Variants in SNX19 observed in about 807,000 individuals in gnomAD.
The protein encoded by SNX19 is sorting nexin 19, also known as sorting nexin-19.
A neutral mutation model predicts 85.2 loss-of-function variants in SNX19; 60 were observed. The observed-to-expected ratio is 0.70, with a 90% CI of 0.57 to 0.87. The LOEUF is 0.87. Ranked by LOEUF, SNX19 falls within the 40% of genes least tolerant of loss-of-function variation. The pLI is 0.00. For synonymous variants in SNX19, 520 were observed against 470.0 expected, an observed-to-expected ratio of 1.11 and a Z score of -1.38; for missense variants, 1,201 against 1,217.8, an observed-to-expected ratio of 0.99 and a Z score of 0.21.
chr11:130,906,228 T>C (rs1945659976), intron 6 of SNX19, 95 bp from the exon 7 acceptor site: 2 of 1,282,470 alleles, frequency 1.6e-6, no homozygotes, highest in African/African-American at 1.5e-5. Flanking sequence ...CCTGCATAAG[T>C]ACCTTGGGTA....
intron 8 of SNX19, among the ~76,000 whole-genome samples, chr11:130,884,893 ATTAC>A (rs1471630490): frequency 1.3e-5 from 2 of 150,140 alleles, no homozygotes; most frequent in Admixed American, 1.3e-4. Flanking sequence ...AAAAAAAAAA[ATTAC>A]TTATAATAAA....
chr11:130,903,082 G>T, intron 8 of SNX19, 173 bp downstream of exon 8: 3 of 779,636 alleles, frequency 3.8e-6, no homozygotes, highest in Non-Finnish European at 6.0e-6. Context: ...TAGACAACAA[G>T]GTAGTCAATA....
chr11:130,914,944 G>A lies in SNX19; in HGVS notation c.996C>T (p.Gly332=). ...SAGPSPEVEE[G]HEAVEGDLGG... is the part of the protein sequence containing the mutation. ...CCAAATCTCCCTCTACAGCTTCGTG[G>A]CCTTCTTCAACCTCTGGAGAGGGGC... Residue 332 remains glycine, a synonymous_variant, in exon 1 of 11, where the codon GGC becomes GGT. Transcript: ENST00000265909. 1.2e-6 allele frequency: 2 copies of A among 1,614,078 alleles called. No individual in the cohort carries two copies. The highest frequency in any genetic ancestry group is 1.7e-6 in the Non-Finnish European group (2 of 1,180,004).
chr11:130,891,231 T>C (rs1216002276), intron 8 of SNX19, among the ~76,000 whole-genome samples: 1 of 152,236 alleles, frequency 6.6e-6, no homozygotes, highest in African/African-American at 2.4e-5. Context: ...TTTAGGCTAA[T>C]AATAAAATGA....
At chr11:130,879,524 T>C (rs1943502324) in intron 10 of SNX19, 100 bp downstream of exon 10, 1 of 995,458 alleles carries the variant, frequency 1.0e-6, no homozygotes, top group Non-Finnish European at 1.6e-6. Context: ...TACAATCCTA[T>C]TCTTTGGAAT....
chr11:130,873,669 G>C lies in SNX19; in HGVS notation c.*4753C>G, dbSNP rs540682747. ...ACTTTTGCACCAACCCACTACATCA[G>C]AACCTACCTTTAAGGGTTGATTTGT... On this transcript the variant is annotated 3_prime_UTR_variant, in exon 11 of 11. Transcript: ENST00000265909. 1.8e-4 allele frequency among the ~76,000 whole-genome samples: 27 copies of C among 152,194 alleles called. No individual in the cohort carries two copies. In the South Asian group the frequency reaches 5.6e-3, roughly 32 times the overall value.
In SNX19 at chr11:130,875,495, C is replaced by CTT. The variant is rs1169811983; in HGVS notation, c.*2925_*2926dup. On this transcript the variant is annotated 3_prime_UTR_variant, in exon 11 of 11. Transcript: ENST00000265909. Reference sequence around the variant, plus strand: ...AAATAAATAAATAATGTACTGTACACTTAAGAGGGTAGATCTCACATTATG... The same window carrying CTT: ...AAATAAATAAATAATGTACTGTACACTTTTAAGAGGGTAGATCTCACATTATG... The CTT allele has an allele frequency of 2.6e-5, 4 of 152,164 alleles. No homozygotes were observed. 9.4% of individuals were successfully genotyped at this position (152,164 alleles called of 1,614,324 possible).
At chr11:130,901,752 CAA>C (rs890723948) in intron 8 of SNX19, 1 of 152,118 alleles carries the variant, frequency 6.6e-6, no homozygotes, top group Non-Finnish European at 1.5e-5. Context: ...TTAAACTGAT[CAA>C]AGTGTAACTT....
At chr11:130,890,159 CTG>C (rs1240882387) in intron 8 of SNX19, among the ~76,000 whole-genome samples, 1 of 152,152 alleles carries the variant, frequency 6.6e-6, no homozygotes, top group Non-Finnish European at 1.5e-5. Context: ...AGGTGGAAAA[CTG>C]TGTGAGTCAT....
Position 130,868,259 on chromosome 11 carries a change from C to T in SNX19, c.*10163G>A, listed in dbSNP as rs1463643590. 4 of 152,292 alleles carry T rather than the reference C, an allele frequency of 2.6e-5. No homozygotes were observed. In the East Asian group the frequency reaches 7.7e-4, roughly 29 times the overall value. 9.4% of individuals were successfully genotyped at this position (152,292 alleles called of 1,614,324 possible). A position where few individuals can be genotyped will look rare whatever the true frequency, so the allele number is the denominator to read the frequency against. ...GAATTAGCCTCCTTTGGTGTTACTGCTCCTTCCCACTTTAGCTCAGCATTA... is the reference window on the plus strand; with the variant it reads ...GAATTAGCCTCCTTTGGTGTTACTGTTCCTTCCCACTTTAGCTCAGCATTA... On this transcript the variant is annotated 3_prime_UTR_variant, in exon 11 of 11. Coordinates refer to ENST00000265909, the MANE Select transcript of SNX19 (RefSeq NM_014758.3).
Position 130,915,486 on chromosome 11 carries a change from G to A in SNX19, c.454C>T (p.His152Tyr). 1 of 1,614,192 alleles carries A rather than the reference G, an allele frequency of 6.2e-7. No homozygotes were observed. Among genetic ancestry groups the A allele is most frequent in the Non-Finnish European group, 8.5e-7 (1 of 1,180,044 alleles). Reference sequence around the variant, plus strand: ...GTCAGAACACTCTGGGCAACAGCATGACTGTCCATCACGCTCATCCTTCTC... The same window carrying A: ...GTCAGAACACTCTGGGCAACAGCATAACTGTCCATCACGCTCATCCTTCTC... Reference protein sequence around the residue: ...LRRRMSVMDSHAVAQSVLTLC... With the variant: ...LRRRMSVMDSYAVAQSVLTLC... Residue 152 changes from histidine to tyrosine, a missense_variant, in exon 1 of 11, where the codon CAT (histidine) becomes TAT (tyrosine). Physicochemically the swap from His to Tyr is moderately conservative, Grantham distance 83. Transcript: ENST00000265909.
At chr11:130,911,331 G>T in intron 2 of SNX19, 1 of 589,216 alleles carries the variant, frequency 1.7e-6, no homozygotes, top group Non-Finnish European at 2.3e-6. Flanking sequence ...CTATGAATCT[G>T]GAAAAGTTAA....
rs770760070 is a variant in SNX19, at chr11:130,877,814, G to A, written c.*608C>T. ...AGCAGCCTCATGACATCTTCCATAA[G>A]GCTGATGTGTTGGGAAACAGCAACA... On this transcript the variant is annotated 3_prime_UTR_variant, in exon 11 of 11. Coordinates refer to ENST00000265909, the MANE Select transcript of SNX19 (RefSeq NM_014758.3). 1 of 152,542 alleles carries A rather than the reference G, an allele frequency of 6.6e-6. No homozygotes were observed. The highest frequency in any genetic ancestry group is 1.5e-5 in the Non-Finnish European group (1 of 68,050). The allele number at this position is 152,542 out of a possible 1,614,324, so 9.4% of individuals were successfully genotyped here. A position where few individuals can be genotyped will look rare whatever the true frequency, so the allele number is the denominator to read the frequency against.
intron 8 of SNX19, among the ~76,000 whole-genome samples, chr11:130,881,482 T>C (rs1414363004): frequency 6.6e-6 from 1 of 152,230 alleles, no homozygotes; most frequent in African/African-American, 2.4e-5. Flanking sequence ...ATTATCTTTC[T>C]AGCTCTCCTC....
chr11:130,884,890 A>AAAAG (rs1565511876), intron 8 of SNX19, among the ~76,000 whole-genome samples: 1 of 145,502 alleles, frequency 6.9e-6, no homozygotes, highest in Non-Finnish European at 1.5e-5. Context: ...AAAAAAAAAA[A>AAAAG]AAATTACTTA....
intron 8 of SNX19, among the ~76,000 whole-genome samples, chr11:130,892,061 C>G (rs1327532481): frequency 6.6e-6 from 1 of 151,446 alleles, no homozygotes; most frequent in East Asian, 1.9e-4. Context: ...TCAGGCTGGT[C>G]TGAAACTCCT....
intron 8 of SNX19, chr11:130,894,630 CCCACGCCA>C (rs1565525218): frequency 1.0e-6 from 1 of 985,238 alleles, no homozygotes; most frequent in African/African-American, 1.7e-5. Context: ...AATTCCTGTG[CCCACGCCA>C]TGCAGCAGCA....
chr11:130,902,810 C>G (rs547739774), intron 8 of SNX19, among the ~76,000 whole-genome samples: 1 of 152,160 alleles, frequency 6.6e-6, no homozygotes, highest in Non-Finnish European at 1.5e-5. Context: ...ATATTTATGC[C>G]CCTCTCAGAG....
intron 8 of SNX19, among the ~76,000 whole-genome samples, chr11:130,889,094 C>T (rs78697549): frequency 0.019 from 2,862 of 152,178 alleles, 86 homozygotes; most frequent in African/African-American, 0.065. Flanking sequence ...ACATGTGACA[C>T]GTGTATGTGT....
Sources: allele counts gnomAD v4.1 joint callset (sites outside exome capture counted in the v4.1 genomes callset), GRCh38; gene constraint gnomAD v4.1.1; transcripts MANE v1.5; gene names NCBI Gene and HGNC (gene_info 2026-07-23, HGNC 2026-07-21).